HDC: variants seen among roughly 807,000 people sequenced by gnomAD.
HDC encodes histidine decarboxylase.
HDC carries 27 observed loss-of-function variants against 64.4 expected under a neutral mutation model. The observed-to-expected ratio is 0.42, with a 90% CI of 0.31 to 0.58. The LOEUF (loss-of-function observed/expected upper bound fraction) is 0.58, where lower values mean the gene tolerates loss of function less well. Among genes scored for constraint, HDC ranks in the 20% least tolerant of loss-of-function variants. HDC has a pLI of 0.16. For synonymous variants in HDC, 305 were observed against 314.2 expected (o/e 0.97, Z 0.31); for missense variants, 711 against 833.9 (o/e 0.85, Z 1.81).
Position 50,243,003 on chromosome 15 carries a change from G to A in HDC, c.1246C>T (p.Pro416Ser). The A allele has an allele frequency of 6.2e-7, 1 of 1,614,066 alleles. No individual in the cohort carries two copies. The highest frequency in any genetic ancestry group is 8.5e-7 in the Non-Finnish European group (1 of 1,180,010). ...AACACATTTTCTGTGAGACAATTAG[G>A]ACCCTGTTTGAAAAATAAAGGAAGT... ...LGLVVFRLKG[P>S]NCLTENVLKE... is the part of the protein sequence containing the mutation. Residue 416 changes from proline (P) to serine (S), a missense_variant, in exon 12 of 12, where the codon CCT (proline) becomes TCT (serine). Transcript: ENST00000267845.
chr15:50,250,055 C>T (rs375753074), intron 9 of HDC, among the ~76,000 whole-genome samples: 2 of 152,354 alleles, frequency 1.3e-5, no homozygotes, highest in Non-Finnish European at 2.9e-5. Context: ...GCTAAGGTAA[C>T]GCTCCCTCCA....
At chr15:50,243,990 TAC>T (rs1348621111) in intron 10 of HDC, among the ~76,000 whole-genome samples, 1 of 152,236 alleles carries the variant, frequency 6.6e-6, no homozygotes, top group African/African-American at 2.4e-5. Flanking sequence ...AGTAAAATGG[TAC>T]ATTCTATGGT....
intron 3 of HDC, 113 bp downstream of exon 3, chr15:50,258,291 A>G: frequency 2.8e-6 from 2 of 714,884 alleles, no homozygotes; most frequent in South Asian, 3.0e-5. Context: ...TATAGCCCTC[A>G]TTAATATTTA....
chr15:50,249,878 T>C (rs763769767), intron 9 of HDC, among the ~76,000 whole-genome samples: 1 of 152,236 alleles, frequency 6.6e-6, no homozygotes, highest in Non-Finnish European at 1.5e-5. Context: ...TTCTTGTCAC[T>C]ATTCCAAAAC....
At chr15:50,245,765 T>G (rs978492598) in intron 10 of HDC, among the ~76,000 whole-genome samples, 27 of 152,186 alleles carry the variant, frequency 1.8e-4, no homozygotes, top group African/African-American at 6.5e-4. Context: ...CATGATGGTA[T>G]GCGCCTGTAG....
Position 50,254,372 on chromosome 15 carries a change from T to C in HDC, c.577-99A>G, listed in dbSNP as rs968516908. On this transcript the variant is annotated intron_variant, in intron 5 of 11. Coordinates refer to ENST00000267845, the MANE Select transcript of HDC (RefSeq NM_002112.4). ...AAGACTCGGGAACCAAATATGATCA[T>C]TGGAAGCTTGTCTTCCCTACAGTTG... The C allele has an allele frequency of 1.2e-5, 19 of 1,547,010 alleles. No individual in the cohort carries two copies. In the Admixed American group the frequency reaches 1.7e-4, roughly 14 times the overall value.
At chr15:50,252,217 T>A (rs955708618) in intron 9 of HDC, among the ~76,000 whole-genome samples, 2 of 152,102 alleles carry the variant, frequency 1.3e-5, no homozygotes, top group African/African-American at 2.4e-5. Flanking sequence ...CAAAGGCTGG[T>A]CTCATTTTCT....
At chr15:50,243,048 C>A (rs888350697) in intron 11 of HDC, 42 bp from the exon 12 acceptor site, 19 of 1,613,970 alleles carry the variant, frequency 1.2e-5, no homozygotes, top group Non-Finnish European at 1.5e-5. Context: ...ATCGCACCCC[C>A]TGTCAGCATC....
At chr15:50,247,063 G>A (rs191902111) in intron 10 of HDC, among the ~76,000 whole-genome samples, 9 of 152,306 alleles carry the variant, frequency 5.9e-5, no homozygotes, top group South Asian at 2.1e-4. Context: ...TCGTGGAGAC[G>A]CACAGTAGAA....
rs999335585 is a variant in HDC at position 50,257,454 on chromosome 15, G to C, written c.412C>G (p.Pro138Ala). 6.8e-6 allele frequency: 11 copies of C among 1,614,116 alleles called. No homozygotes were observed. Among genetic ancestry groups the C allele is most frequent in the African/African-American group, 2.7e-5 (2 of 74,930 alleles). ...AGGACGCCTCCGCCCTGGCTGCTGGGGTGGTGGTGCAAGAAGTGCTCTGGA... is the reference window on the plus strand; with the variant it reads ...AGGACGCCTCCGCCCTGGCTGCTGGCGTGGTGGTGCAAGAAGTGCTCTGGA... Reference protein sequence around the residue: ...GLPEHFLHHHPSSQGGGVLQS... With the variant: ...GLPEHFLHHHASSQGGGVLQS... The change falls in exon 4 of 12, where the codon CCC becomes GCC. Residue 138 changes from proline to alanine, a missense_variant. Around this residue, in one of 3 missense-constraint regions of HDC, gnomAD observed 225 missense variants for 276.2 expected, o/e 0.81. Coordinates refer to ENST00000267845, the MANE Select transcript of HDC (RefSeq NM_002112.4).
At chr15:50,259,714 C>A (rs560882422) in intron 2 of HDC, among the ~76,000 whole-genome samples, 1 of 152,328 alleles carries the variant, frequency 6.6e-6, no homozygotes, top group Admixed American at 6.5e-5. Context: ...CCACAGCTCC[C>A]TTCGATCCCT....
chr15:50,265,721 G>T lies in HDC; in HGVS notation c.-98C>A, dbSNP rs751632899. 6.6e-6 allele frequency: 7 copies of T among 1,052,882 alleles called. No homozygotes were observed. The highest frequency in any genetic ancestry group is 1.6e-5 in the African/African-American group (1 of 64,406). 65.2% of individuals were successfully genotyped at this position (1,052,882 alleles called of 1,614,324 possible). A position where few individuals can be genotyped will look rare whatever the true frequency, so the allele number is the denominator to read the frequency against. On this transcript the variant is annotated 5_prime_UTR_variant, in exon 1 of 12. Coordinates refer to ENST00000267845, the MANE Select transcript of HDC (RefSeq NM_002112.4). The stretch of plus-strand genomic sequence containing the variant: ...CCGGCTTCCCTCTTGCCAGTCCTGC[G>T]CACTCCCTGGCAGCCAGTGTGGGCC...
At chr15:50,245,426 G>A (rs1376556282) in intron 10 of HDC, among the ~76,000 whole-genome samples, 1 of 152,070 alleles carries the variant, frequency 6.6e-6, no homozygotes, top group East Asian at 1.9e-4. Context: ...TGATGATGAT[G>A]ACAATTTATT....
intron 1 of HDC, among the ~76,000 whole-genome samples, chr15:50,264,182 C>A (rs1031862050): frequency 7.9e-5 from 12 of 152,170 alleles, no homozygotes; most frequent in African/African-American, 2.9e-4. Context: ...ACAAAAAAAT[C>A]TATTTTTTCA....
chr15:50,246,441 G>A (rs955892154), intron 10 of HDC, among the ~76,000 whole-genome samples: 4 of 152,158 alleles, frequency 2.6e-5, no homozygotes, highest in African/African-American at 9.7e-5. Context: ...AGATGGAATA[G>A]GCAGAAAAGC....
intron 9 of HDC, among the ~76,000 whole-genome samples, chr15:50,251,831 CAGA>C (rs1286091462): frequency 2.4e-5 from 3 of 123,534 alleles, no homozygotes; most frequent in African/African-American, 3.0e-5. Flanking sequence ...GACTCTGTCT[CAGA>C]AAAAAAAAAA....
intron 1 of HDC, among the ~76,000 whole-genome samples, chr15:50,265,130 C>A (rs1056432721): frequency 6.6e-6 from 1 of 152,138 alleles, no homozygotes; most frequent in African/African-American, 2.4e-5. Flanking sequence ...GAGTAGGCAC[C>A]TACTAAATAT....
chr15:50,244,031 T>C (rs148214938), intron 10 of HDC, among the ~76,000 whole-genome samples: 134 of 152,360 alleles, frequency 8.8e-4, no homozygotes, highest in East Asian at 7.7e-3. Flanking sequence ...TTTTAAAATG[T>C]TAAAGGCTTT....
At chr15:50,249,193 T>C (rs1428839346) in intron 9 of HDC, among the ~76,000 whole-genome samples, 1 of 152,162 alleles carries the variant, frequency 6.6e-6, no homozygotes, top group Admixed American at 6.5e-5. Context: ...GAGCTTAAAG[T>C]TCAAGGTTGC....
Sources: gnomAD v4.1 joint callset for allele counts (sites outside exome capture counted in the v4.1 genomes callset) on GRCh38, gnomAD v4.1.1 for gene constraint, gnomAD v4.1.1 regional missense constraint, MANE v1.5 for transcripts, NCBI Gene and HGNC (gene_info 2026-07-23, HGNC 2026-07-21) for gene names.